The following DLG1 variants were observed in gnomAD, a reference collection of about 807,000 sequenced individuals.
DLG1 encodes discs large MAGUK scaffold protein 1, also known as disks large homolog 1.
A neutral mutation model predicts 123.4 loss-of-function variants in DLG1; 42 were observed. The ratio of observed to expected loss-of-function variants is 0.34; its 90% CI spans 0.27 to 0.44. The LOEUF (loss-of-function observed/expected upper bound fraction) is 0.44, where lower values mean the gene tolerates loss of function less well. Ranked by LOEUF, DLG1 falls within the 20% of genes least tolerant of loss-of-function variation. The pLI is 1.00. For missense variants in DLG1, 942 were observed against 1,082.6 expected, an observed-to-expected ratio of 0.87 and a Z score of 1.82; for synonymous variants, 317 against 356.2, an observed-to-expected ratio of 0.89 and a Z score of 1.24.
intron 16 of DLG1, among the ~76,000 whole-genome samples, chr3:197,084,598 C>A (rs184100844): frequency 3.5e-3 from 530 of 152,096 alleles, no homozygotes; most frequent in East Asian, 8.1e-3. Flanking sequence ...GTGTGAGCCA[C>A]TGCACCTGGC....
At chr3:197,281,099 G>A (rs991282139) in intron 4 of DLG1, among the ~76,000 whole-genome samples, 2 of 149,270 alleles carry the variant, frequency 1.3e-5, no homozygotes, top group East Asian at 4.0e-4. Flanking sequence ...GTGCAGTGAT[G>A]CCGTCTCAGC....
At chr3:197,066,646 C>G (rs758750797) in intron 20 of DLG1, 58 bp downstream of exon 20, 1 of 1,359,776 alleles carries the variant, frequency 7.4e-7, no homozygotes, top group Non-Finnish European at 1.0e-6. Flanking sequence ...TTTTTTTCCC[C>G]CAAATTAAAA....
chr3:197,086,017 A>G (rs1335326163), intron 15 of DLG1, among the ~76,000 whole-genome samples: 1 of 152,022 alleles, frequency 6.6e-6, no homozygotes, highest in African/African-American at 2.4e-5. Flanking sequence ...ATTGTAATCC[A>G]ATGGTAAGTT....
At chr3:197,142,863 T>G (rs1788740936) in intron 6 of DLG1, 95 bp from the exon 7 acceptor site, 2 of 876,386 alleles carry the variant, frequency 2.3e-6, no homozygotes, top group Admixed American at 2.4e-5. Flanking sequence ...TGAAAACCTG[T>G]TGAATGCGAC....
chr3:197,178,881 T>C (rs1808559737), intron 5 of DLG1, among the ~76,000 whole-genome samples: 1 of 152,102 alleles, frequency 6.6e-6, no homozygotes, highest in East Asian at 1.9e-4. Context: ...TGAAAGATAT[T>C]ATAGCAGGTG....
At chr3:197,100,687 C>G (rs1169471121) in intron 14 of DLG1, among the ~76,000 whole-genome samples, 1 of 151,972 alleles carries the variant, frequency 6.6e-6, no homozygotes, top group Admixed American at 6.6e-5. Context: ...TATGGAGACC[C>G]ACCCAGAACC....
chr3:197,185,385 G>C (rs1160811492), intron 5 of DLG1, among the ~76,000 whole-genome samples: 1 of 152,162 alleles, frequency 6.6e-6, no homozygotes, highest in Non-Finnish European at 1.5e-5. Flanking sequence ...CTCAGTAAGG[G>C]TGAGAGCCAT....
At chr3:197,088,603 AT>A (rs1332741078) in intron 15 of DLG1, among the ~76,000 whole-genome samples, 1 of 152,212 alleles carries the variant, frequency 6.6e-6, no homozygotes, top group Admixed American at 6.5e-5. Context: ...AAATAGAATA[AT>A]GGCAAAAGGG....
intron 5 of DLG1, among the ~76,000 whole-genome samples, chr3:197,158,705 T>C (rs1461713407): frequency 2.0e-5 from 3 of 149,266 alleles, no homozygotes; most frequent in Non-Finnish European, 4.4e-5. Flanking sequence ...TCTAAGGTAA[T>C]TACTCTCACA....
intron 11 of DLG1, among the ~76,000 whole-genome samples, chr3:197,119,756 T>G (rs1382004559): frequency 6.6e-6 from 1 of 152,124 alleles, no homozygotes; most frequent in Non-Finnish European, 1.5e-5. Flanking sequence ...GTGTTGGGAT[T>G]ACAGGCATAA....
intron 7 of DLG1, among the ~76,000 whole-genome samples, chr3:197,141,815 A>G (rs1304772427): frequency 6.6e-6 from 1 of 152,122 alleles, no homozygotes; most frequent in Non-Finnish European, 1.5e-5. Flanking sequence ...CCTGGGTTCA[A>G]GTGATTCTCC....
chr3:197,155,309 T>C (rs898448899), intron 5 of DLG1, among the ~76,000 whole-genome samples: 1 of 152,078 alleles, frequency 6.6e-6, no homozygotes, highest in South Asian at 2.1e-4. Flanking sequence ...AACCCAAACC[T>C]GTCAACTAAG....
intron 13 of DLG1, among the ~76,000 whole-genome samples, chr3:197,114,478 A>T (rs1771908558): frequency 6.6e-6 from 1 of 152,256 alleles, no homozygotes; most frequent in South Asian, 2.1e-4. Flanking sequence ...AACCTGTGTA[A>T]TTCTAGATTG....
intron 4 of DLG1, among the ~76,000 whole-genome samples, chr3:197,238,989 G>A (rs1258993034): frequency 6.6e-6 from 1 of 151,778 alleles, no homozygotes; most frequent in Non-Finnish European, 1.5e-5. Context: ...GATGAGGGCA[G>A]AGATACACAA....
chr3:197,201,122 G>A (rs1015310873), intron 4 of DLG1, among the ~76,000 whole-genome samples: 5 of 152,116 alleles, frequency 3.3e-5, no homozygotes, highest in African/African-American at 7.2e-5. Context: ...AGTGGCTCAC[G>A]CCTCTAATCC....
At chr3:197,050,519 G>A (rs193006416) in intron 24 of DLG1, among the ~76,000 whole-genome samples, 2 of 152,200 alleles carry the variant, frequency 1.3e-5, no homozygotes, top group Admixed American at 1.3e-4. Context: ...CCTATCATCT[G>A]CAACAACCAA....
chr3:197,233,477 C>G (rs112935526), intron 4 of DLG1, among the ~76,000 whole-genome samples: 1 of 152,156 alleles, frequency 6.6e-6, no homozygotes, highest in African/African-American at 2.4e-5. Flanking sequence ...ACCTCCACGT[C>G]GCAGGTTCAA....
chr3:197,162,807 A>T (rs1799329652), intron 5 of DLG1, among the ~76,000 whole-genome samples: 1 of 152,250 alleles, frequency 6.6e-6, no homozygotes, highest in Non-Finnish European at 1.5e-5. Context: ...TGGATTTGGT[A>T]ATGGAACCTT....
At chr3:197,196,517 A>G (rs147516076) in intron 4 of DLG1, among the ~76,000 whole-genome samples, 1 of 152,330 alleles carries the variant, frequency 6.6e-6, no homozygotes, top group African/African-American at 2.4e-5. Context: ...AGATATAAGG[A>G]AGGAAATGTG....
Sources: gnomAD v4.1 joint callset for allele counts (sites outside exome capture counted in the v4.1 genomes callset) on GRCh38, gnomAD v4.1.1 for gene constraint, MANE v1.5 for transcripts, NCBI Gene and HGNC (gene_info 2026-07-23, HGNC 2026-07-21) for gene names.